XYLT1: variants seen among roughly 807,000 people sequenced by gnomAD.
The protein encoded by XYLT1 is xylosyltransferase 1.
XYLT1 carries 36 observed loss-of-function variants against 91.3 expected under a neutral mutation model. That is an observed-to-expected ratio of 0.39 (90% confidence interval 0.30 to 0.52). The LOEUF is 0.52. XYLT1 is among the 20% of genes least tolerant of loss of function. The probability of loss-of-function intolerance (pLI) is 0.68; values close to 1 mark genes in which losing one functional copy is unlikely to be tolerated. For missense variants in XYLT1, 1,242 were observed against 1,284.5 expected (o/e 0.97, Z 0.51); for synonymous variants, 588 against 532.0 (o/e 1.11, Z -1.45).
intron 1 of XYLT1, among the ~76,000 whole-genome samples, chr16:17,416,186 C>G (rs1302855504): frequency 6.6e-6 from 1 of 152,210 alleles, no homozygotes; most frequent in Non-Finnish European, 1.5e-5. Flanking sequence ...CAGCTCCCGC[C>G]CTGTCCTGCC....
chr16:17,116,500 C>G (rs759798648), intron 11 of XYLT1, among the ~76,000 whole-genome samples: 4 of 152,198 alleles, frequency 2.6e-5, no homozygotes, highest in African/African-American at 4.8e-5. Context: ...CCAACACATG[C>G]CCATGCTTTA....
At chr16:17,147,427 A>T (rs2031162673) in intron 6 of XYLT1, among the ~76,000 whole-genome samples, 1 of 152,204 alleles carries the variant, frequency 6.6e-6, no homozygotes, top group African/African-American at 2.4e-5. Context: ...ATGTTCCATT[A>T]TATGGGATAA....
chr16:17,458,146 G>A (rs946952204), intron 1 of XYLT1, among the ~76,000 whole-genome samples: 2 of 152,042 alleles, frequency 1.3e-5, no homozygotes, highest in Non-Finnish European at 2.9e-5. Context: ...TTGGGCTCCC[G>A]GCTTTTATTG....
chr16:17,392,328 C>G (rs768204333), intron 1 of XYLT1, among the ~76,000 whole-genome samples: 3 of 152,168 alleles, frequency 2.0e-5, no homozygotes, highest in East Asian at 3.9e-4. Context: ...GTTTTTCATC[C>G]AAGTTTTCAC....
At chr16:17,235,309 C>CTTT (rs3060127) in intron 3 of XYLT1, among the ~76,000 whole-genome samples, 80,940 of 137,906 alleles carry the variant, frequency 0.59, 24,144 homozygotes, top group Admixed American at 0.67. Context: ...TCATTATCAT[C>CTTT]TTTTTTTTTT....
At chr16:17,130,144 A>C (rs2030414942) in intron 9 of XYLT1, among the ~76,000 whole-genome samples, 1 of 152,268 alleles carries the variant, frequency 6.6e-6, no homozygotes, top group Non-Finnish European at 1.5e-5. Context: ...TCCTAGGCTC[A>C]GGCAACTATT....
rs748613285 is a variant in XYLT1, at chr16:17,138,434, T to C, written c.1685A>G (p.Lys562Arg). 2 of 1,614,162 alleles carry C rather than the reference T, an allele frequency of 1.2e-6. No homozygotes were observed. The highest frequency in any genetic ancestry group is 2.2e-5 in the South Asian group (2 of 91,078). ...ITNWNRKLGC[K>R]CQYKHIVDWC... ...GTCCACGATGTGCTTGTACTGGCACTTGCAGCCCAGCTTGCGATTCCAGTT... is the reference window on the plus strand; with the variant it reads ...GTCCACGATGTGCTTGTACTGGCACCTGCAGCCCAGCTTGCGATTCCAGTT... The change falls in exon 8 of 12, where the codon AAG becomes AGG. Residue 562 changes from lysine to arginine, a missense_variant. Transcript: ENST00000261381.
chr16:17,230,663 T>G (rs2033144107), intron 3 of XYLT1, among the ~76,000 whole-genome samples: 1 of 152,236 alleles, frequency 6.6e-6, no homozygotes, highest in South Asian at 2.1e-4. Flanking sequence ...GCCCTGGTCC[T>G]GCCCTTCCAA....
chr16:17,252,906 T>A (rs2033563816), intron 3 of XYLT1, among the ~76,000 whole-genome samples: 1 of 152,228 alleles, frequency 6.6e-6, no homozygotes, highest in Non-Finnish European at 1.5e-5. Flanking sequence ...TAAAGCAAAA[T>A]GAGAAACACA....
At chr16:17,401,709 T>C (rs1684811794) in intron 1 of XYLT1, among the ~76,000 whole-genome samples, 1 of 150,556 alleles carries the variant, frequency 6.6e-6, no homozygotes, top group Non-Finnish European at 1.5e-5. Context: ...GCTATGGTTA[T>C]TATTATTATT....
chr16:17,230,618 G>A (rs531992296), intron 3 of XYLT1, among the ~76,000 whole-genome samples: 49 of 152,244 alleles, frequency 3.2e-4, no homozygotes, highest in African/African-American at 9.9e-4. Context: ...GCTGGAGGCC[G>A]CCTCCTCTTT....
intron 3 of XYLT1, among the ~76,000 whole-genome samples, chr16:17,207,849 C>G (rs755425068): frequency 7.9e-5 from 12 of 152,186 alleles, no homozygotes; most frequent in Non-Finnish European, 1.3e-4. Flanking sequence ...CAGAGGGGAG[C>G]TGAAAGAACA....
intron 3 of XYLT1, among the ~76,000 whole-genome samples, chr16:17,201,663 T>C (rs930118288): frequency 2.6e-5 from 4 of 151,854 alleles, no homozygotes; most frequent in African/African-American, 9.7e-5. Context: ...TTAGTAGAGA[T>C]GGGGTTTCAT....
intron 2 of XYLT1, among the ~76,000 whole-genome samples, chr16:17,308,335 T>G (rs1421094484): frequency 6.6e-6 from 1 of 152,198 alleles, no homozygotes; most frequent in African/African-American, 2.4e-5. Context: ...CATGTCCAAG[T>G]TGACTAAGCC....
chr16:17,225,056 T>C (rs2033037831), intron 3 of XYLT1, among the ~76,000 whole-genome samples: 3 of 152,142 alleles, frequency 2.0e-5, no homozygotes, highest in Admixed American at 6.5e-5. Flanking sequence ...GTTTAACAGA[T>C]GCTCAGCCTA....
At chr16:17,198,004 T>C (rs947669065) in intron 5 of XYLT1, 29 of 620,376 alleles carry the variant, frequency 4.7e-5, no homozygotes, top group Middle Eastern at 8.7e-4. Flanking sequence ...CTAATAGAGC[T>C]GGGAAAACCA....
chr16:17,221,170 A>T (rs1253811787), intron 3 of XYLT1, among the ~76,000 whole-genome samples: 1 of 152,068 alleles, frequency 6.6e-6, no homozygotes, highest in African/African-American at 2.4e-5. Flanking sequence ...CTCCTTTTCA[A>T]TATTCACAGA....
intron 1 of XYLT1, among the ~76,000 whole-genome samples, chr16:17,451,426 C>T (rs1314272006): frequency 6.6e-6 from 1 of 152,202 alleles, no homozygotes; most frequent in African/African-American, 2.4e-5. Flanking sequence ...TCCCCTTCTC[C>T]CTGACTCACT....
chr16:17,424,179 A>C (rs554501015), intron 1 of XYLT1, among the ~76,000 whole-genome samples: 49 of 152,354 alleles, frequency 3.2e-4, no homozygotes, highest in African/African-American at 1.2e-3. Context: ...TAAAACCCAA[A>C]AAGATCTGTG....
Sources: gnomAD v4.1 joint callset for allele counts (sites outside exome capture counted in the v4.1 genomes callset) on GRCh38, gnomAD v4.1.1 for gene constraint, MANE v1.5 for transcripts, NCBI Gene and HGNC (gene_info 2026-07-23, HGNC 2026-07-21) for gene names.